Variants in BMPR1A observed in about 807,000 individuals in gnomAD.
BMPR1A encodes the protein bone morphogenetic protein receptor type 1A, also known as bone morphogenetic protein receptor type-1A.
Under a neutral mutation model 66.0 loss-of-function variants are expected in BMPR1A, and 7 were observed. The ratio of observed to expected loss-of-function variants is 0.11; its 90% CI spans 0.06 to 0.20. The LOEUF is 0.20. Among genes scored for constraint, BMPR1A ranks in the 10% least tolerant of loss-of-function variants. The probability of loss-of-function intolerance (pLI) is 1.00; values close to 1 mark genes in which losing one functional copy is unlikely to be tolerated. For missense variants in BMPR1A, 408 were observed against 669.1 expected (o/e 0.61, Z 4.31); for synonymous variants, 200 against 229.7 (o/e 0.87, Z 1.17).
intron 2 of BMPR1A, among the ~76,000 whole-genome samples, chr10:86,844,496 T>C (rs967138534): frequency 1.3e-5 from 2 of 152,204 alleles, no homozygotes; most frequent in Admixed American, 6.5e-5. Context: ...TATGGTACTG[T>C]CCATTAGAGA....
At chr10:86,845,741 TAA>T (rs1470785393) in intron 2 of BMPR1A, among the ~76,000 whole-genome samples, 1 of 152,158 alleles carries the variant, frequency 6.6e-6, no homozygotes, top group Non-Finnish European at 1.5e-5. Flanking sequence ...CTCACGCCTG[TAA>T]TCCCAGCACT....
chr10:86,931,314 T>TATATATATATATATATATATATATATA (rs71019438), downstream of BMPR1A: 10 of 107,472 alleles, frequency 9.3e-5, no homozygotes, highest in African/African-American at 4.5e-4. Flanking sequence ...TATATATATA[T>TATATATATATATATATATATATATATA]TCAAGCAATG....
At chr10:86,919,036 G>A (rs144178756) in intron 9 of BMPR1A, 136 bp from the exon 10 acceptor site, 9 of 870,006 alleles carry the variant, frequency 1.0e-5, no homozygotes, top group East Asian at 9.8e-5. Flanking sequence ...ACACATTCAC[G>A]ACTTGGTGTC....
intron 5 of BMPR1A, among the ~76,000 whole-genome samples, chr10:86,896,181 A>AT (rs1338998270): frequency 6.6e-6 from 1 of 150,494 alleles, no homozygotes; most frequent in Non-Finnish European, 1.5e-5. Flanking sequence ...AAAAAAAAAA[A>AT]GCTGAGGTGG....
At chr10:86,757,076 G>A (rs1372028433) in intron 1 of BMPR1A, among the ~76,000 whole-genome samples, 157 bp downstream of exon 1, 1 of 150,720 alleles carries the variant, frequency 6.6e-6, no homozygotes, top group Non-Finnish European at 1.5e-5. Context: ...GGCGCGCGCT[G>A]GGCCGGGACC....
At chr10:86,805,543 C>T (rs1024141078) in intron 1 of BMPR1A, among the ~76,000 whole-genome samples, 1 of 148,358 alleles carries the variant, frequency 6.7e-6, no homozygotes, top group African/African-American at 2.5e-5. Flanking sequence ...CTCACTGCAA[C>T]CTCCACCTCC....
intron 1 of BMPR1A, among the ~76,000 whole-genome samples, chr10:86,759,640 G>A (rs1437102775): frequency 1.3e-5 from 2 of 152,108 alleles, no homozygotes; most frequent in Non-Finnish European, 2.9e-5. Context: ...TGCTAACTGT[G>A]GGGCAATTCT....
rs1240892645 is a variant in BMPR1A at position 86,774,291 on chromosome 10, A to C, written c.-268+17372A>C. On this transcript the variant is annotated intron_variant, in intron 1 of 12. Coordinates refer to ENST00000372037, the MANE Select transcript of BMPR1A (RefSeq NM_004329.3). The stretch of plus-strand genomic sequence containing the variant: ...TCAATATTTTATTAAATATACATTA[A>C]GGGAGCTTCAGTGATACTAAAAGAG... Among the ~76,000 whole-genome samples, 3 of 152,190 alleles carry C rather than the reference A, an allele frequency of 2.0e-5. No homozygotes were observed. The South Asian group carries it at 6.2e-4, about 32-fold the overall frequency.
intron 1 of BMPR1A, among the ~76,000 whole-genome samples, chr10:86,768,848 C>A (rs958454314): frequency 2.6e-5 from 4 of 152,150 alleles, no homozygotes; most frequent in African/African-American, 9.7e-5. Context: ...ATATGTGAAA[C>A]AAGGATAATA....
At chr10:86,797,136 C>G (rs75348273) in intron 1 of BMPR1A, among the ~76,000 whole-genome samples, 33,746 of 146,182 alleles carry the variant, frequency 0.23, 4,920 homozygotes, top group East Asian at 0.66. Context: ...GCGATCTCTG[C>G]TCACTGCAGC....
intron 1 of BMPR1A, among the ~76,000 whole-genome samples, chr10:86,759,252 T>C (rs1840986662): frequency 6.6e-6 from 1 of 152,230 alleles, no homozygotes; most frequent in Non-Finnish European, 1.5e-5. Context: ...TTTTCTGCCT[T>C]CTGTTTCTTC....
At chr10:86,821,150 A>G (rs923263454) in intron 1 of BMPR1A, among the ~76,000 whole-genome samples, 1 of 152,200 alleles carries the variant, frequency 6.6e-6, no homozygotes, top group African/African-American at 2.4e-5. Context: ...TAACATTTGT[A>G]GTTACACGAA....
chr10:86,815,142 G>A (rs1842018955), intron 1 of BMPR1A, among the ~76,000 whole-genome samples: 1 of 152,078 alleles, frequency 6.6e-6, no homozygotes, highest in Admixed American at 6.6e-5. Context: ...TTTGCCATGG[G>A]TCAGTTTTAT....
At chr10:86,775,541 G>C (rs1364090994) in intron 1 of BMPR1A, among the ~76,000 whole-genome samples, 1 of 152,126 alleles carries the variant, frequency 6.6e-6, no homozygotes, top group Non-Finnish European at 1.5e-5. Context: ...TTTTTGGACA[G>C]CATTTCCTGA....
chr10:86,863,994 T>A (rs1044004633), intron 2 of BMPR1A, among the ~76,000 whole-genome samples: 1 of 152,320 alleles, frequency 6.6e-6, no homozygotes, highest in East Asian at 1.9e-4. Context: ...ATACATTAGT[T>A]TGATCAAGAT....
chr10:86,871,458 A>T (rs1435407359), intron 2 of BMPR1A, among the ~76,000 whole-genome samples: 2 of 152,212 alleles, frequency 1.3e-5, no homozygotes, highest in Non-Finnish European at 2.9e-5. Context: ...TAAATTAATA[A>T]TTCAACGGCA....
chr10:86,788,810 T>C (rs1227902666), intron 1 of BMPR1A, among the ~76,000 whole-genome samples: 1 of 152,142 alleles, frequency 6.6e-6, no homozygotes, highest in African/African-American at 2.4e-5. Flanking sequence ...TTTCATCATA[T>C]TGGCCAGGCT....
At chr10:86,828,445 G>A (rs1370163276) in intron 1 of BMPR1A, among the ~76,000 whole-genome samples, 1 of 152,110 alleles carries the variant, frequency 6.6e-6, no homozygotes, top group African/African-American at 2.4e-5. Context: ...AAGCCAGTAA[G>A]TAAAAAACCA....
intron 5 of BMPR1A, among the ~76,000 whole-genome samples, chr10:86,896,011 G>A (rs887407238): frequency 1.3e-5 from 2 of 151,876 alleles, no homozygotes; most frequent in African/African-American, 4.8e-5. Flanking sequence ...AAAATTAGCC[G>A]GGCGTGGTGG....
Sources: gnomAD v4.1 joint callset for allele counts (sites outside exome capture counted in the v4.1 genomes callset) on GRCh38, gnomAD v4.1.1 for gene constraint, MANE v1.5 for transcripts, NCBI Gene and HGNC (gene_info 2026-07-23, HGNC 2026-07-21) for gene names.